The following BARD1 variants were observed in gnomAD, a reference collection of about 807,000 sequenced individuals.
BARD1 encodes the protein BRCA1 associated RING domain 1.
In BARD1, 73 loss-of-function variants were observed where a neutral mutation model predicts 77.0. The observed-to-expected ratio is 0.95, with a 90% CI of 0.79 to 1.15. The LOEUF (loss-of-function observed/expected upper bound fraction) is 1.15. BARD1 is among the 50% of genes most tolerant of loss of function. The pLI, the probability that BARD1 is intolerant of heterozygous loss-of-function variation, is 0.00. For missense variants in BARD1, 993 were observed against 938.8 expected (o/e 1.06, Z -0.75); for synonymous variants, 384 against 338.0 (o/e 1.14, Z -1.49).
chr2:214,734,051 T>C (rs888748761), intron 9 of BARD1, among the ~76,000 whole-genome samples: 10 of 152,156 alleles, frequency 6.6e-5, no homozygotes, highest in African/African-American at 2.4e-4. Flanking sequence ...AGAAAGATAA[T>C]AAAATATTCT....
intron 5 of BARD1, among the ~76,000 whole-genome samples, chr2:214,768,833 C>A (rs1694338476): frequency 6.6e-6 from 1 of 152,196 alleles, no homozygotes; most frequent in African/African-American, 2.4e-5. Context: ...CTAAGATAGA[C>A]CCTCAGTGAG....
chr2:214,792,149 T>TAAA, intron 3 of BARD1, 148 bp downstream of exon 3: 3 of 760,080 alleles, frequency 3.9e-6, no homozygotes, highest in Non-Finnish European at 5.9e-6. Flanking sequence ...CAATGGCTAT[T>TAAA]TAAAAAAAAA....
intron 6 of BARD1, 22 bp downstream of exon 6, chr2:214,767,460 A>G (rs1334216855): frequency 6.2e-7 from 1 of 1,608,052 alleles, no homozygotes; most frequent in Admixed American, 1.7e-5. Context: ...TTTAAAAATA[A>G]TTTTTACGTT....
intron 9 of BARD1, among the ~76,000 whole-genome samples, chr2:214,735,242 G>A (rs1368334385): frequency 2.6e-5 from 4 of 152,110 alleles, no homozygotes; most frequent in African/African-American, 7.2e-5. Flanking sequence ...ACTGTATTAT[G>A]AGGCCATTTT....
Position 214,728,552 on chromosome 2 carries a change from T to TA in BARD1, c.*123_*124insT. 5.5e-6 allele frequency: 5 copies of TA among 911,078 alleles called. No homozygotes were observed. Among genetic ancestry groups the TA allele is most frequent in the Non-Finnish European group, 8.1e-6 (5 of 619,284 alleles). 56.4% of individuals were successfully genotyped at this position (911,078 alleles called of 1,614,324 possible). A position where few individuals can be genotyped will look rare whatever the true frequency, so the allele number is the denominator to read the frequency against. On this transcript the variant is annotated 3_prime_UTR_variant, in exon 11 of 11. Transcript: ENST00000260947. ...TGGCATTAGACTTTTTTTTTTTTTT[T>TA]GATTCAAAGACAAATATGAATGACT... is the stretch of plus-strand genomic sequence containing the variant.
Position 214,764,716 on chromosome 2 carries a change from C to T in BARD1, c.1568+2766G>A, listed in dbSNP as rs1305176456. Among the ~76,000 whole-genome samples, 4 of 152,112 alleles carry T rather than the reference C, an allele frequency of 2.6e-5. 1 individual carries two copies. The highest frequency in any genetic ancestry group is 1.9e-4 in the East Asian group (1 of 5,194). On this transcript the variant is annotated intron_variant, in intron 6 of 10. Coordinates refer to ENST00000260947, the MANE Select transcript of BARD1 (RefSeq NM_000465.4). ...AGCAAATAAATGACTTGGCCAGACTCGTGTTCTTCTGCAGGTGCTCTGGCT... is the reference window on the plus strand; with the variant it reads ...AGCAAATAAATGACTTGGCCAGACTTGTGTTCTTCTGCAGGTGCTCTGGCT...
At chr2:214,750,204 T>C (rs1205480130) in intron 7 of BARD1, among the ~76,000 whole-genome samples, 1 of 152,056 alleles carries the variant, frequency 6.6e-6, no homozygotes, top group Non-Finnish European at 1.5e-5. Flanking sequence ...ATAACTACCA[T>C]CTATAATTCC....
At chr2:214,740,703 A>AG (rs2106009351) in intron 9 of BARD1, among the ~76,000 whole-genome samples, 1 of 152,142 alleles carries the variant, frequency 6.6e-6, no homozygotes, top group Non-Finnish European at 1.5e-5. Context: ...TTTCATATGT[A>AG]GGTTATATTC....
intron 1 of BARD1, among the ~76,000 whole-genome samples, chr2:214,802,950 A>G (rs987068237): frequency 1.1e-4 from 16 of 152,228 alleles, no homozygotes; most frequent in Non-Finnish European, 1.6e-4. Context: ...AGAAGTAGAC[A>G]TAGGAGACTC....
chr2:214,780,250 A>C (rs1318832598), intron 4 of BARD1, among the ~76,000 whole-genome samples: 2 of 152,220 alleles, frequency 1.3e-5, no homozygotes, highest in Non-Finnish European at 2.9e-5. Context: ...TAAAGCATGA[A>C]GACAGGTAAA....
intron 9 of BARD1, among the ~76,000 whole-genome samples, chr2:214,739,528 C>A (rs10932568): frequency 0.8 from 121,425 of 151,998 alleles, 48,586 homozygotes; most frequent in East Asian, 0.91. Flanking sequence ...TAAAAAGGGA[C>A]ATCACAATAG....
chr2:214,773,391 A>G (rs1489618294), intron 4 of BARD1, among the ~76,000 whole-genome samples: 12 of 152,206 alleles, frequency 7.9e-5, no homozygotes, highest in Non-Finnish European at 1.8e-4. Context: ...TAAAACAAAC[A>G]AACAAAAATG....
At chr2:214,764,058 C>G (rs866766914) in intron 6 of BARD1, among the ~76,000 whole-genome samples, 1 of 152,204 alleles carries the variant, frequency 6.6e-6, no homozygotes, top group Non-Finnish European at 1.5e-5. Flanking sequence ...TGCCAGGAAC[C>G]AGTTCAACCA....
chr2:214,797,116 T>C lies in BARD1; in HGVS notation c.160A>G (p.Thr54Ala), dbSNP rs200254470. 71 of 1,612,110 alleles carry C rather than the reference T, an allele frequency of 4.4e-5. No homozygotes were observed. Among genetic ancestry groups the C allele is most frequent in the Middle Eastern group, 3.3e-4 (2 of 6,070 alleles). ...CACACAGGCTCTCTCAGAATGTTAG[T>C]ACTGTTTGAAGAAATTAAAACAATC... ...LEKLLRCSRCTNILREPVCLG... is the reference protein window; with the variant it reads ...LEKLLRCSRCANILREPVCLG... The change falls in exon 2 of 11, where the codon ACT becomes GCT. Residue 54 changes from threonine to alanine, a missense_variant and splice_region_variant. Transcript: ENST00000260947.
intron 4 of BARD1, among the ~76,000 whole-genome samples, chr2:214,779,950 C>T (rs1307701869): frequency 2.6e-5 from 4 of 152,104 alleles, no homozygotes; most frequent in Admixed American, 2.6e-4. Flanking sequence ...AGAAAACAGG[C>T]CAGGTTCCAT....
chr2:214,742,118 C>A (rs1358352576), intron 9 of BARD1, among the ~76,000 whole-genome samples: 2 of 152,104 alleles, frequency 1.3e-5, no homozygotes, highest in Non-Finnish European at 2.9e-5. Flanking sequence ...AAACATGAGA[C>A]CTAGTTTTAA....
chr2:214,748,745 TTCCCTAAAGCAGC>T (rs1693261067), intron 7 of BARD1, among the ~76,000 whole-genome samples: 1 of 151,990 alleles, frequency 6.6e-6, no homozygotes, highest in Admixed American at 6.6e-5. Context: ...AGTGAGCTGC[TTCCCTAAAGCAGC>T]TCACTGGAGA....
intron 7 of BARD1, among the ~76,000 whole-genome samples, chr2:214,750,813 A>G (rs763679317): frequency 1.3e-5 from 2 of 152,056 alleles, no homozygotes; most frequent in Non-Finnish European, 2.9e-5. Flanking sequence ...CCATTAAAGG[A>G]AACTTCTTAG....
intron 2 of BARD1, among the ~76,000 whole-genome samples, chr2:214,794,471 G>A (rs1002119934): frequency 6.6e-6 from 1 of 152,110 alleles, no homozygotes; most frequent in African/African-American, 2.4e-5. Flanking sequence ...ACAGAGATTT[G>A]CAAAAATGTA....
Sources: gnomAD v4.1 joint callset for allele counts (sites outside exome capture counted in the v4.1 genomes callset) on GRCh38, gnomAD v4.1.1 for gene constraint, MANE v1.5 for transcripts, NCBI Gene and HGNC (gene_info 2026-07-23, HGNC 2026-07-21) for gene names.